RIN2: variants seen among roughly 807,000 people sequenced by gnomAD.
The protein encoded by RIN2 is Ras and Rab interactor 2.
In RIN2, 36 loss-of-function variants were observed where a neutral mutation model predicts 78.0. That is an observed-to-expected ratio of 0.46 (90% CI 0.35 to 0.61). The LOEUF is 0.61. Among genes scored for constraint, RIN2 ranks in the 20% least tolerant of loss-of-function variants. RIN2 has a pLI of 0.00. For synonymous variants in RIN2, 466 were observed against 466.8 expected (o/e 1.00, Z 0.02); for missense variants, 1,087 against 1,159.7 (o/e 0.94, Z 0.91).
At chr20:19,966,411 C>T (rs1163600416) in intron 7 of RIN2, among the ~76,000 whole-genome samples, 1 of 151,940 alleles carries the variant, frequency 6.6e-6, no homozygotes, top group Non-Finnish European at 1.5e-5. Context: ...CAACCTCCAC[C>T]TCCTTGGGTT....
intron 2 of RIN2, among the ~76,000 whole-genome samples, chr20:19,810,447 G>A (rs892807054): frequency 1.6e-4 from 25 of 151,924 alleles, no homozygotes; most frequent in African/African-American, 5.6e-4. Context: ...ACCATGGGCT[G>A]CCAGGGCCCC....
chr20:19,978,229 A>G (rs1347287266), intron 9 of RIN2, among the ~76,000 whole-genome samples: 2 of 152,224 alleles, frequency 1.3e-5, no homozygotes, highest in Non-Finnish European at 2.9e-5. Flanking sequence ...ACTAGAAGAC[A>G]GAATTCTAAT....
chr20:19,896,101 G>A (rs377269922), intron 3 of RIN2, among the ~76,000 whole-genome samples: 2 of 152,090 alleles, frequency 1.3e-5, no homozygotes, highest in East Asian at 3.9e-4. Context: ...AATGTACTGT[G>A]GACAGAGATT....
intron 1 of RIN2, among the ~76,000 whole-genome samples, chr20:19,793,861 G>A (rs2034965073): frequency 6.6e-6 from 1 of 152,210 alleles, no homozygotes; most frequent in Non-Finnish European, 1.5e-5. Context: ...CATTGCTGGG[G>A]TTGCTAGATA....
intron 2 of RIN2, among the ~76,000 whole-genome samples, chr20:19,885,272 G>A (rs1445484635): frequency 6.6e-6 from 1 of 152,228 alleles, no homozygotes; most frequent in African/African-American, 2.4e-5. Flanking sequence ...TTGGGCCGAT[G>A]TTGGTCAAAG....
chr20:19,837,903 A>G (rs901891104), intron 2 of RIN2, among the ~76,000 whole-genome samples: 6 of 152,100 alleles, frequency 3.9e-5, no homozygotes, highest in Admixed American at 1.3e-4. Flanking sequence ...TAAGACAGAC[A>G]TACGCCTATA....
chr20:19,902,080 C>T (rs1003496179), intron 3 of RIN2, among the ~76,000 whole-genome samples: 5 of 150,802 alleles, frequency 3.3e-5, no homozygotes, highest in Admixed American at 3.3e-4. Context: ...GTTCTAAGCA[C>T]TTTAAAACCA....
chr20:19,919,084 G>A (rs1327522238), intron 3 of RIN2, among the ~76,000 whole-genome samples: 2 of 152,180 alleles, frequency 1.3e-5, no homozygotes, highest in Non-Finnish European at 2.9e-5. Context: ...GTTTCCCCAG[G>A]AAGCTGAGGT....
chr20:19,772,567 T>G (rs1048483998), intron 1 of RIN2, among the ~76,000 whole-genome samples: 3 of 152,152 alleles, frequency 2.0e-5, no homozygotes, highest in Non-Finnish European at 4.4e-5. Context: ...GGGTTTCATG[T>G]CACAAGAGAC....
At chr20:19,792,735 C>T (rs995976391) in intron 1 of RIN2, among the ~76,000 whole-genome samples, 4 of 152,194 alleles carry the variant, frequency 2.6e-5, no homozygotes, top group Admixed American at 1.3e-4. Context: ...CTTCCAGCTA[C>T]AAAATGAGCA....
intron 2 of RIN2, among the ~76,000 whole-genome samples, chr20:19,814,369 C>T (rs926095983): frequency 6.6e-6 from 1 of 152,034 alleles, no homozygotes; most frequent in African/African-American, 2.4e-5. Flanking sequence ...TTGCCCTTTC[C>T]CCTCCTCCCA....
chr20:19,844,663 CTTCTTCCTTCTT>C (rs1568807601), intron 2 of RIN2, among the ~76,000 whole-genome samples: 3 of 133,732 alleles, frequency 2.2e-5, no homozygotes, highest in African/African-American at 6.0e-5. Flanking sequence ...TCTTCTTCTT[CTTCTTCCTTCTT>C]CTTCTTCTTC....
intron 3 of RIN2, among the ~76,000 whole-genome samples, chr20:19,892,140 G>T (rs2038496259): frequency 6.6e-6 from 1 of 152,152 alleles, no homozygotes; most frequent in Admixed American, 6.5e-5. Flanking sequence ...GAAAATATTG[G>T]CAAAGGCACC....
At chr20:19,869,792 T>TTTTATTTATTTATTTA (rs71198030) in intron 2 of RIN2, among the ~76,000 whole-genome samples, 277 of 136,436 alleles carry the variant, frequency 2.0e-3, no homozygotes, top group East Asian at 3.5e-3. Context: ...GCCTGGCTAA[T>TTTTATTTATTTATTTA]TTTATTTATT....
At chr20:19,986,303 C>T (rs948686390) in intron 9 of RIN2, among the ~76,000 whole-genome samples, 2 of 151,662 alleles carry the variant, frequency 1.3e-5, no homozygotes, top group African/African-American at 4.8e-5. Flanking sequence ...GTCCCCTACT[C>T]TTTATGTTTA....
intron 9 of RIN2, among the ~76,000 whole-genome samples, chr20:19,977,510 T>A (rs1468897323): frequency 6.6e-6 from 1 of 152,204 alleles, no homozygotes; most frequent in Non-Finnish European, 1.5e-5. Flanking sequence ...GTCCAAGCTA[T>A]TCCAGTGGGT....
At chr20:19,896,882 G>A (rs1056592153) in intron 3 of RIN2, among the ~76,000 whole-genome samples, 41 of 152,232 alleles carry the variant, frequency 2.7e-4, no homozygotes, top group African/African-American at 9.9e-4. Context: ...ATAATATATT[G>A]TATTTGGCCT....
intron 2 of RIN2, among the ~76,000 whole-genome samples, chr20:19,837,020 C>T (rs983271467): frequency 1.3e-5 from 2 of 151,472 alleles, no homozygotes; most frequent in Non-Finnish European, 2.9e-5. Flanking sequence ...ATATCATGTG[C>T]AGACACCTCC....
intron 3 of RIN2, among the ~76,000 whole-genome samples, chr20:19,914,312 G>A (rs2039595472): frequency 6.6e-6 from 1 of 152,088 alleles, no homozygotes; most frequent in Admixed American, 6.5e-5. Context: ...TACCCTAAAG[G>A]TAGCAGGTCT....
Sources: allele counts gnomAD v4.1 joint callset (sites outside exome capture counted in the v4.1 genomes callset), GRCh38; gene constraint gnomAD v4.1.1; transcripts MANE v1.5; gene names NCBI Gene and HGNC (gene_info 2026-07-23, HGNC 2026-07-21).